Variants in SOX5 observed in about 807,000 individuals in gnomAD.
The protein encoded by SOX5 is transcription factor SOX-5.
A neutral mutation model predicts 92.0 loss-of-function variants in SOX5; 9 were observed. The ratio of observed to expected loss-of-function variants is 0.10; its 90% CI spans 0.06 to 0.17. The LOEUF is 0.17. Ranked by LOEUF, SOX5 falls within the 10% of genes least tolerant of loss-of-function variation. The pLI is 1.00. For synonymous variants in SOX5, 344 were observed against 336.3 expected (o/e 1.02, Z -0.25); for missense variants, 642 against 944.5 (o/e 0.68, Z 4.20).
chr12:24,082,503 T>G (rs1413311892), intron 4 of SOX5, among the ~76,000 whole-genome samples: 1 of 150,436 alleles, frequency 6.6e-6, no homozygotes, highest in Admixed American at 6.6e-5. Context: ...TATAGTAAAG[T>G]TGTTACAATT....
intron 1 of SOX5, among the ~76,000 whole-genome samples, chr12:24,390,213 C>T (rs1200069132): frequency 2.6e-5 from 4 of 152,128 alleles, no homozygotes; most frequent in Non-Finnish European, 5.9e-5. Flanking sequence ...AATTATTTTA[C>T]ACACGTAACA....
At chr12:23,649,409 A>C (rs978361288) in intron 7 of SOX5, among the ~76,000 whole-genome samples, 1 of 152,164 alleles carries the variant, frequency 6.6e-6, no homozygotes, top group Non-Finnish European at 1.5e-5. Context: ...ACTTAGTAAA[A>C]AAATCAGATA....
rs924975558 is a variant in SOX5, at chr12:24,432,888, A to AT, written c.-250-64250dup. Reference sequence around the variant, plus strand: ...ACACACAGAGTATGATCCAACTCTTATTTTTTTAAAAACAAAACCATTTCT... The same window carrying AT: ...ACACACAGAGTATGATCCAACTCTTATTTTTTTTAAAAACAAAACCATTTCT... On this transcript the variant is annotated intron_variant, in intron 1 of 4. Coordinates refer to the SOX5 transcript ENST00000446891. Among the ~76,000 whole-genome samples the AT allele has an allele frequency of 1.9e-4, 29 of 152,160 alleles. 1 individual carries two copies. Among genetic ancestry groups the AT allele is most frequent in the Non-Finnish European group, 1.9e-4 (13 of 68,026 alleles).
intron 4 of SOX5, among the ~76,000 whole-genome samples, chr12:24,020,232 CCT>C (rs927741862): frequency 1.3e-5 from 2 of 152,104 alleles, no homozygotes; most frequent in African/African-American, 4.8e-5. Flanking sequence ...TTAACCAACC[CCT>C]GATGCCCCAT....
intron 1 of SOX5, among the ~76,000 whole-genome samples, chr12:24,509,809 G>T (rs1055386819): frequency 6.6e-6 from 1 of 152,060 alleles, no homozygotes; most frequent in Non-Finnish European, 1.5e-5. Context: ...CCAGCGAATC[G>T]GTTGCTTACT....
chr12:24,152,581 T>C (rs1406920062), intron 4 of SOX5, among the ~76,000 whole-genome samples: 2 of 152,064 alleles, frequency 1.3e-5, no homozygotes, highest in African/African-American at 4.8e-5. Flanking sequence ...ACCTTTAAAG[T>C]GTTTCAGAAA....
chr12:24,282,564 G>T (rs1190480994), intron 2 of SOX5, among the ~76,000 whole-genome samples: 2 of 150,972 alleles, frequency 1.3e-5, no homozygotes. Flanking sequence ...AATTTGAACA[G>T]GAAAACAATA....
At chr12:24,273,281 C>A (rs955568558) in intron 3 of SOX5, among the ~76,000 whole-genome samples, 1 of 152,162 alleles carries the variant, frequency 6.6e-6, no homozygotes, top group Non-Finnish European at 1.5e-5. Context: ...AGACTTATTT[C>A]TTCCTTGAAT....
chr12:24,359,845 C>T (rs1955324798), intron 2 of SOX5, among the ~76,000 whole-genome samples: 1 of 152,176 alleles, frequency 6.6e-6, no homozygotes, highest in African/African-American at 2.4e-5. Flanking sequence ...AAAAAGCTGT[C>T]TCTTTTCACC....
At chr12:23,548,035 C>T (rs1486401217) in intron 11 of SOX5, among the ~76,000 whole-genome samples, 1 of 152,066 alleles carries the variant, frequency 6.6e-6, no homozygotes, top group Non-Finnish European at 1.5e-5. Flanking sequence ...CACATACACA[C>T]ATTCCATCAA....
chr12:24,236,207 T>C (rs570810970), intron 3 of SOX5, among the ~76,000 whole-genome samples: 1 of 151,748 alleles, frequency 6.6e-6, no homozygotes, highest in African/African-American at 2.4e-5. Context: ...CAAAAATAAA[T>C]AAATAGATAA....
In SOX5 at chr12:24,552,927, G is replaced by A. The variant is rs143911717; in HGVS notation, c.-251+9402C>T. Among the ~76,000 whole-genome samples the A allele has an allele frequency of 4.8e-5, 7 of 146,830 alleles. No individual in the cohort carries two copies. The East Asian group carries it at 7.8e-4, about 16-fold the overall frequency. On this transcript the variant is annotated intron_variant, in intron 1 of 4. Transcript: ENST00000446891. ...CATGCCTGTGGTCCCAGCTACTCAG[G>A]AGGCCGAGGTAGGAGGATCACTTGA...
At chr12:23,581,793 G>A (rs1355663995) in intron 9 of SOX5, among the ~76,000 whole-genome samples, 1 of 151,766 alleles carries the variant, frequency 6.6e-6, no homozygotes, top group Non-Finnish European at 1.5e-5. Flanking sequence ...GTGTGTGTGT[G>A]TTTTTAAACT....
chr12:23,639,343 G>A (rs2079724176), intron 8 of SOX5, among the ~76,000 whole-genome samples: 1 of 152,080 alleles, frequency 6.6e-6, no homozygotes, highest in Non-Finnish European at 1.5e-5. Context: ...AATGAACATA[G>A]GAGTTGCCTC....
chr12:24,278,892 T>A (rs1233485122), intron 2 of SOX5, among the ~76,000 whole-genome samples: 2 of 136,848 alleles, frequency 1.5e-5, no homozygotes, highest in African/African-American at 2.7e-5. Flanking sequence ...TTTTTTTTTT[T>A]AGTTAAGTGA....
chr12:24,132,030 T>C (rs1949694524), intron 4 of SOX5, among the ~76,000 whole-genome samples: 1 of 152,192 alleles, frequency 6.6e-6, no homozygotes, highest in African/African-American at 2.4e-5. Context: ...TTAAGAGAGA[T>C]TCTGTTTGCT....
intron 4 of SOX5, among the ~76,000 whole-genome samples, chr12:24,142,237 C>T (rs1950653605): frequency 6.6e-6 from 1 of 152,158 alleles, no homozygotes; most frequent in Non-Finnish European, 1.5e-5. Flanking sequence ...GTAAGCAGCA[C>T]TCCCGCTTCT....
chr12:24,543,679 C>A (rs1423259454), intron 1 of SOX5, among the ~76,000 whole-genome samples: 1 of 152,060 alleles, frequency 6.6e-6, no homozygotes, highest in Non-Finnish European at 1.5e-5. Flanking sequence ...CAGAGTGAGA[C>A]CCTGGCTCAA....
chr12:24,390,546 T>A (rs777700425), intron 1 of SOX5, among the ~76,000 whole-genome samples: 5 of 152,154 alleles, frequency 3.3e-5, no homozygotes, highest in Admixed American at 1.3e-4. Flanking sequence ...GTGTACATTG[T>A]CCCCATTAAG....
Sources: gnomAD v4.1 joint callset for allele counts (sites outside exome capture counted in the v4.1 genomes callset) on GRCh38, gnomAD v4.1.1 for gene constraint, MANE v1.5 for transcripts, NCBI Gene and HGNC (gene_info 2026-07-23, HGNC 2026-07-21) for gene names.